The following PRKN variants were observed in gnomAD, a reference collection of about 807,000 sequenced individuals.
The protein encoded by PRKN is E3 ubiquitin-protein ligase parkin.
In PRKN, 56 loss-of-function variants were observed where a neutral mutation model predicts 59.5. The observed-to-expected ratio is 0.94, with a 90% CI of 0.76 to 1.18. The LOEUF (loss-of-function observed/expected upper bound fraction) is 1.18, where lower values mean the gene tolerates loss of function less well. PRKN is among the 50% of genes most tolerant of loss of function. The probability of loss-of-function intolerance (pLI) is 0.00; values close to 1 mark genes in which losing one functional copy is unlikely to be tolerated. For synonymous variants in PRKN, 250 were observed against 222.1 expected (o/e 1.13, Z -1.12); for missense variants, 657 against 596.4 (o/e 1.10, Z -1.06).
At chr6:161,886,756 A>AAAATAAT (rs1554241164) in intron 6 of PRKN, among the ~76,000 whole-genome samples, 12,509 of 145,916 alleles carry the variant, frequency 0.086, 539 homozygotes, top group African/African-American at 0.1. Flanking sequence ...TAAAATAAAA[A>AAAATAAT]AAAATAAAAT....
intron 7 of PRKN, among the ~76,000 whole-genome samples, chr6:161,656,314 T>A (rs77877945): frequency 0.14 from 22,042 of 152,124 alleles, 1,702 homozygotes; most frequent in Middle Eastern, 0.22. Context: ...CCTCTCACAC[T>A]TCTGTTCCTC....
chr6:162,310,047 C>CT (rs1361524442), intron 2 of PRKN, among the ~76,000 whole-genome samples: 2 of 152,058 alleles, frequency 1.3e-5, no homozygotes, highest in African/African-American at 4.8e-5. Flanking sequence ...TGATCTCATT[C>CT]TTTTTTATGG....
At chr6:162,344,104 G>T (rs1025788509) in intron 2 of PRKN, among the ~76,000 whole-genome samples, 1 of 152,138 alleles carries the variant, frequency 6.6e-6, no homozygotes, top group Non-Finnish European at 1.5e-5. Flanking sequence ...TTGTTTTGAG[G>T]TGCCATTCCC....
At chr6:161,585,497 T>C (rs910177) in intron 7 of PRKN, among the ~76,000 whole-genome samples, 3 of 151,958 alleles carry the variant, frequency 2.0e-5, no homozygotes, top group Admixed American at 2.0e-4. Context: ...CCAAGACTAT[T>C]CTAAACGCCA....
intron 1 of PRKN, among the ~76,000 whole-genome samples, chr6:162,588,591 G>A (rs961271397): frequency 3.3e-5 from 5 of 151,730 alleles, no homozygotes; most frequent in South Asian, 2.1e-4. Context: ...TGGCTCAGTC[G>A]CCCAGGCTGG....
At chr6:161,736,180 A>G (rs532284601) in intron 7 of PRKN, among the ~76,000 whole-genome samples, 55 of 152,306 alleles carry the variant, frequency 3.6e-4, no homozygotes, top group Non-Finnish European at 5.4e-4. Context: ...ACCACCTGTC[A>G]AAGAACTCAA....
In PRKN at chr6:161,562,986, C is replaced by T. The variant is rs1428726952; in HGVS notation, c.933+6369G>A. ...GCCTTCATCTTTTGGCACTGTCCTT[C>T]CTGCTCAGTATTTTCCAGCCACCTT... On this transcript the variant is annotated intron_variant, in intron 8 of 11. Coordinates refer to ENST00000366898, the MANE Select transcript of PRKN (RefSeq NM_004562.3). This position sits in a 1 kb window ranked among gnomAD's most constrained non-coding sequence, Gnocchi z 4.3. 6.6e-6 allele frequency among the ~76,000 whole-genome samples: 1 copy of T among 152,168 alleles called. No homozygotes were observed. The highest frequency in any genetic ancestry group is 2.4e-5 in the African/African-American group (1 of 41,438).
chr6:161,393,345 A>C lies in PRKN; in HGVS notation c.1084-6468T>G, dbSNP rs1367515075. Among the ~76,000 whole-genome samples, 1 of 152,136 alleles carries C rather than the reference A, an allele frequency of 6.6e-6. No homozygotes were observed. Among genetic ancestry groups the C allele is most frequent in the African/African-American group, 2.4e-5 (1 of 41,392 alleles). On this transcript the variant is annotated intron_variant, in intron 9 of 11. Transcript: ENST00000366898. This position sits in a 1 kb window ranked among gnomAD's most constrained non-coding sequence, Gnocchi z 4.7. ...TCTCGGGTAAAACTGACACCTCCCC[A>C]GAAATGCCACACTTGTAAACTACTC...
Position 161,350,010 on chromosome 6 carries a change from G to C in PRKN, c.*89C>G. ...TGTGTGTGCGCGCGCGCGCGTGTGT[G>C]TGTGTGTTTGAAAAGAGAATTAGAA... On this transcript the variant is annotated 3_prime_UTR_variant, in exon 12 of 12. Coordinates refer to ENST00000366898, the MANE Select transcript of PRKN (RefSeq NM_004562.3). 1 of 873,678 alleles carries C rather than the reference G, an allele frequency of 1.1e-6. No individual in the cohort carries two copies. Among genetic ancestry groups the C allele is most frequent in the South Asian group, 1.4e-5 (1 of 72,016 alleles). The allele number at this position is 873,678 out of a possible 1,614,324, so 54.1% of individuals were successfully genotyped here.
chr6:162,266,628 C>A, intron 2 of PRKN, among the ~76,000 whole-genome samples: 1 of 152,172 alleles, frequency 6.6e-6, no homozygotes, highest in East Asian at 1.9e-4. Context: ...CAAACGGACT[C>A]AAGCTCTACA....
chr6:162,355,510 T>C (rs113182314), intron 2 of PRKN, among the ~76,000 whole-genome samples: 2 of 152,018 alleles, frequency 1.3e-5, no homozygotes, highest in African/African-American at 2.4e-5. Flanking sequence ...AAACAATACA[T>C]ACTGTCTCTC....
At chr6:161,858,543 G>A (rs1793748628) in intron 6 of PRKN, among the ~76,000 whole-genome samples, 1 of 152,148 alleles carries the variant, frequency 6.6e-6, no homozygotes. Context: ...AAAGGCTAGT[G>A]TGACCCAGAG....
At chr6:161,683,978 G>A (rs148705328) in intron 7 of PRKN, among the ~76,000 whole-genome samples, 1 of 152,072 alleles carries the variant, frequency 6.6e-6, no homozygotes, top group African/African-American at 2.4e-5. Flanking sequence ...ATAAAACAAA[G>A]GGTAAAAGGG....
intron 1 of PRKN, among the ~76,000 whole-genome samples, chr6:162,635,660 C>T (rs1223454028): frequency 2.0e-5 from 3 of 151,662 alleles, no homozygotes. Flanking sequence ...ACATTTAGGT[C>T]TTTCAACTGT....
intron 6 of PRKN, among the ~76,000 whole-genome samples, chr6:161,848,797 G>A (rs969148155): frequency 3.3e-5 from 5 of 152,176 alleles, no homozygotes; most frequent in African/African-American, 1.2e-4. Flanking sequence ...ATACATGCAC[G>A]CTAAGCTGAA....
Position 161,428,155 on chromosome 6 carries a change from G to A in PRKN, c.1084-41278C>T, listed in dbSNP as rs566391775. On this transcript the variant is annotated intron_variant, in intron 9 of 11. Transcript: ENST00000366898. The surrounding 1 kb of genome is among the most constrained non-coding windows in gnomAD (Gnocchi z 4.0). ...CACTGTGGGGGCCTTCCTCAAAGCC[G>A]TGCGCCTCCATCTCAGGGCAACATA... 6.6e-6 allele frequency among the ~76,000 whole-genome samples: 1 copy of A among 152,144 alleles called. No individual in the cohort carries two copies. The highest frequency in any genetic ancestry group is 1.5e-5 in the Non-Finnish European group (1 of 68,030).
intron 4 of PRKN, among the ~76,000 whole-genome samples, chr6:162,148,367 G>A (rs1012745341): frequency 1.1e-5 from 1 of 90,864 alleles, no homozygotes; most frequent in East Asian, 3.4e-4. Context: ...GGGTTTCCAC[G>A]CCTAAGAGCT....
chr6:161,569,469 A>G lies in PRKN; in HGVS notation c.872-53T>C. ...AACGTCACTTTCACTCTGTGTGGTT[A>G]TATGTTCTTACACAGAGTTATGACT... is the stretch of plus-strand genomic sequence containing the variant. On this transcript the variant is annotated intron_variant, in intron 7 of 11. Coordinates refer to ENST00000366898, the MANE Select transcript of PRKN (RefSeq NM_004562.3). The G allele has an allele frequency of 2.1e-6, 3 of 1,460,376 alleles. No homozygotes were observed. The South Asian group carries it at 3.4e-5, about 17-fold the overall frequency. 90.5% of individuals were successfully genotyped at this position (1,460,376 alleles called of 1,614,324 possible).
At chr6:162,610,782 C>T (rs1782114091) in intron 1 of PRKN, among the ~76,000 whole-genome samples, 1 of 152,106 alleles carries the variant, frequency 6.6e-6, no homozygotes, top group South Asian at 2.1e-4. Context: ...ATTCAAATTG[C>T]TCCCATTTAC....
Sources: gnomAD v4.1 joint callset for allele counts (sites outside exome capture counted in the v4.1 genomes callset) on GRCh38, gnomAD v4.1.1 for gene constraint, Gnocchi (gnomAD v3.1) non-coding constraint, MANE v1.5 for transcripts, NCBI Gene and HGNC (gene_info 2026-07-23, HGNC 2026-07-21) for gene names.